The following DHCR7 variants were observed in gnomAD, a reference collection of about 807,000 sequenced individuals.
The protein encoded by DHCR7 is 7-DHC reductase.
In DHCR7, 40 loss-of-function variants were observed where a neutral mutation model predicts 43.3. The observed-to-expected ratio is 0.92, with a 90% confidence interval of 0.72 to 1.20. The LOEUF (loss-of-function observed/expected upper bound fraction) is 1.20. Among genes scored for constraint, DHCR7 ranks in the 50% most tolerant of loss-of-function variants. The probability of loss-of-function intolerance (pLI) is 0.00; values close to 1 mark genes in which losing one functional copy is unlikely to be tolerated. For missense variants in DHCR7, 608 were observed against 644.6 expected (o/e 0.94, Z 0.62); for synonymous variants, 298 against 271.4 (o/e 1.10, Z -0.96).
intron 3 of DHCR7, 44 bp from the exon 4 acceptor site, chr11:71,444,259 C>T (rs1949381653): frequency 6.7e-7 from 1 of 1,485,812 alleles, no homozygotes; most frequent in South Asian, 1.2e-5. Context: ...CCCATCTGCC[C>T]TGGGCCCCAC....
Position 71,435,509 on chromosome 11 carries a change from A to G in DHCR7, c.1294T>C (p.Tyr432His), listed in dbSNP as rs747656720. The change falls in exon 9 of 9, where the codon TAC (tyrosine) becomes CAC (histidine). Residue 432 changes from tyrosine to histidine, a missense_variant. Tyr to His is a moderately conservative substitution (Grantham distance 83, BLOSUM62 2). Transcript: ENST00000355527. ...CGGGHLLPYF[Y>H]IIYMAILLTH... is the part of the protein sequence containing the mutation. The stretch of plus-strand genomic sequence containing the variant: ...AGCAGGATGGCCATGTAGATGATGT[A>G]GAAGTAGGGCAGCAGGTGGCCGCCG... 6.2e-7 allele frequency: 1 copy of G among 1,611,864 alleles called. No homozygotes were observed. The highest frequency in any genetic ancestry group is 1.1e-5 in the South Asian group (1 of 91,086).
intron 5 of DHCR7, among the ~76,000 whole-genome samples, chr11:71,442,003 G>A (rs115021930): frequency 1.9e-3 from 290 of 152,316 alleles, no homozygotes; most frequent in African/African-American, 6.7e-3. Context: ...TTCATGGGCC[G>A]AGTGCATCCC....
downstream of DHCR7, among the ~76,000 whole-genome samples, chr11:71,430,503 G>GTGGTGTGC (rs1949222857): frequency 6.6e-6 from 1 of 152,132 alleles, no homozygotes; most frequent in African/African-American, 2.4e-5. Context: ...TTTGTGGGTG[G>GTGGTGTGC]TGGTGTGTTA....
At position 71,444,102 on chromosome 11, in the gene DHCR7, G is replaced by C; in HGVS notation, c.212C>G (p.Pro71Arg). The C allele has an allele frequency of 6.2e-7, 1 of 1,612,796 alleles. No individual in the cohort carries two copies. ...ATGTCCGGTGACGATGTCCACCACA[G>C]GGCCAGTCAGGGCGCAGCTGTACTG... Reference protein sequence around the residue: ...CDQYSCALTGPVVDIVTGHAR... With the variant: ...CDQYSCALTGRVVDIVTGHAR... The change falls in exon 4 of 9, where the codon CCT becomes CGT. Residue 71 changes from proline (P) to arginine (R), a missense_variant. By Grantham distance (103) the Pro-to-Arg change is moderately radical. Transcript: ENST00000355527.
rs1949249677 is a variant in DHCR7, at chr11:71,434,497, T to G, written c.*878A>C. On this transcript the variant is annotated 3_prime_UTR_variant, in exon 9 of 9. Coordinates refer to ENST00000355527, the MANE Select transcript of DHCR7 (RefSeq NM_001360.3). ...AGAGTTCTACACAACACCCTAGGGA[T>G]GAGGAAGAATGCCTCAGGGAAGAAA... The G allele has an allele frequency of 6.5e-6, 1 of 154,976 alleles. No homozygotes were observed. Among genetic ancestry groups the G allele is most frequent in the Admixed American group, 6.3e-5 (1 of 15,910 alleles). 9.6% of individuals were successfully genotyped at this position (154,976 alleles called of 1,614,324 possible).
At chr11:71,433,252 G>A (rs933177131), downstream of DHCR7, among the ~76,000 whole-genome samples, 1 of 152,234 alleles carries the variant, frequency 6.6e-6, no homozygotes, top group Non-Finnish European at 1.5e-5. Context: ...ATGGAGAATG[G>A]TAGAGGCTGG....
Position 71,435,270 on chromosome 11 carries a change from T to A in DHCR7, c.*105A>T. Reference sequence around the variant, plus strand: ...TGCTGGGCTCTCTCCAGTTTACAGATGAGGAAACTGAGGCTCCTCGAGTTG... The same window carrying A: ...TGCTGGGCTCTCTCCAGTTTACAGAAGAGGAAACTGAGGCTCCTCGAGTTG... On this transcript the variant is annotated 3_prime_UTR_variant, in exon 9 of 9. Transcript: ENST00000355527. 8.3e-7 allele frequency: 1 copy of A among 1,207,010 alleles called. No homozygotes were observed. The highest frequency in any genetic ancestry group is 1.2e-6 in the Non-Finnish European group (1 of 823,178). 74.8% of individuals were successfully genotyped at this position (1,207,010 alleles called of 1,614,324 possible).
intron 6 of DHCR7, 104 bp downstream of exon 6, chr11:71,441,123 C>T: frequency 9.4e-7 from 1 of 1,058,998 alleles, no homozygotes; most frequent in East Asian, 2.4e-5. Flanking sequence ...TCCACGGATT[C>T]TCAGTGCTCA....
downstream of DHCR7, among the ~76,000 whole-genome samples, chr11:71,429,548 C>G (rs775856612): frequency 6.6e-6 from 1 of 152,096 alleles, no homozygotes; most frequent in Non-Finnish European, 1.5e-5. Flanking sequence ...TCTGATGGAA[C>G]GTGGCGTGAG....
Position 71,438,090 on chromosome 11 carries a change from C to A in DHCR7, c.832-147G>T. The A allele has an allele frequency of 3.1e-6, 3 of 966,452 alleles. No individual in the cohort carries two copies. The South Asian group carries it at 4.1e-5, about 13-fold the overall frequency. 59.9% of individuals were successfully genotyped at this position (966,452 alleles called of 1,614,324 possible). ...CAATGCTGGGGCTGTTCCTTCCCTG[C>A]GGCTGGGGCTGTTCCTGCCTGGGTC... On this transcript the variant is annotated intron_variant, in intron 7 of 8. Transcript: ENST00000355527.
rs1949357826 is a variant in DHCR7 at position 71,442,318 on chromosome 11, A to G, written c.357T>C (p.His119=). 1.2e-6 allele frequency: 2 copies of G among 1,613,878 alleles called. No homozygotes were observed. The highest frequency in any genetic ancestry group is 1.7e-6 in the Non-Finnish European group (2 of 1,179,970). ...LLYTSLPDFC[H]KFLPGYVGGI... is the part of the protein sequence containing the mutation. ...CTCCTACGTAGCCGGGTAGAAACTT[A>G]TGGCAGAAGTCAGGGAGAGACGTGT... Residue 119 remains histidine (H), a synonymous_variant, in exon 5 of 9, where the codon CAT becomes CAC. Coordinates refer to ENST00000355527, the MANE Select transcript of DHCR7 (RefSeq NM_001360.3).
Position 71,442,412 on chromosome 11 carries a change from G to C in DHCR7, c.322-59C>G, listed in dbSNP as rs79415457. The C allele has an allele frequency of 9.8e-6, 12 of 1,224,170 alleles. No individual in the cohort carries two copies. In the Middle Eastern group the frequency reaches 1.7e-3, roughly 173 times the overall value. The allele number at this position is 1,224,170 out of a possible 1,614,324, so 75.8% of individuals were successfully genotyped here. A position where few individuals can be genotyped will look rare whatever the true frequency, so the allele number is the denominator to read the frequency against. On this transcript the variant is annotated intron_variant, in intron 4 of 8. Transcript: ENST00000355527. ...CTGGAGGGCACCTGCAAAGGGGGAC[G>C]CATAGCAGGAACATGAGAATCACAA...
intron 3 of DHCR7, among the ~76,000 whole-genome samples, chr11:71,444,437 T>A (rs1200095706): frequency 6.6e-6 from 1 of 152,178 alleles, no homozygotes; most frequent in Non-Finnish European, 1.5e-5. Context: ...GTGGCCCCCA[T>A]GGAAGGCCCA....
At chr11:71,448,833 TTGG>T (rs1260422569), upstream of DHCR7, 7 of 152,442 alleles carry the variant, frequency 4.6e-5, no homozygotes, top group Admixed American at 1.3e-4. Flanking sequence ...GACACAGTTC[TTGG>T]TCCTAGGGCT....
At chr11:71,441,585 C>T in intron 5 of DHCR7, 145 bp from the exon 6 acceptor site, 1 of 725,816 alleles carries the variant, frequency 1.4e-6, no homozygotes, top group South Asian at 1.5e-5. Context: ...CAGGAACCAT[C>T]TCTGAGGCCC....
rs750090808 is a variant in DHCR7, at chr11:71,442,291, G to A, written c.384C>T (p.Gly128=). 6.2e-7 allele frequency: 1 copy of A among 1,613,794 alleles called. No homozygotes were observed. The highest frequency in any genetic ancestry group is 1.7e-4 in the Middle Eastern group (1 of 6,060). ...CHKFLPGYVG[G]IQEGAVTPAG... is the part of the protein sequence containing the mutation. ...CAGGAGTCACGGCCCCCTCCTGGAT[G>A]CCTCCTACGTAGCCGGGTAGAAACT... Residue 128 remains glycine, a synonymous_variant, in exon 5 of 9, where the codon GGC becomes GGT. Coordinates refer to ENST00000355527, the MANE Select transcript of DHCR7 (RefSeq NM_001360.3).
chr11:71,427,984 A>T (rs1424453803), downstream of DHCR7, among the ~76,000 whole-genome samples: 1 of 152,164 alleles, frequency 6.6e-6, no homozygotes, highest in Non-Finnish European at 1.5e-5. Flanking sequence ...ACCTGCTCTT[A>T]TCAATTAGAG....
At chr11:71,427,980 T>C (rs1949208565), downstream of DHCR7, among the ~76,000 whole-genome samples, 1 of 152,180 alleles carries the variant, frequency 6.6e-6, no homozygotes, top group Non-Finnish European at 1.5e-5. Flanking sequence ...AGTGACCTGC[T>C]CTTATCAATT....
chr11:71,434,842 A>G lies in DHCR7; in HGVS notation c.*533T>C. Reference sequence around the variant, plus strand: ...AAAGCCCCTTTCTCCCCAGTGTCCCAGTTCAACACCGTGCACGCTACCAAG... The same window carrying G: ...AAAGCCCCTTTCTCCCCAGTGTCCCGGTTCAACACCGTGCACGCTACCAAG... On this transcript the variant is annotated 3_prime_UTR_variant, in exon 9 of 9. Transcript: ENST00000355527. 3.1e-6 allele frequency: 1 copy of G among 326,138 alleles called. No homozygotes were observed. The highest frequency in any genetic ancestry group is 6.0e-6 in the Non-Finnish European group (1 of 165,792). 20.2% of individuals were successfully genotyped at this position (326,138 alleles called of 1,614,324 possible).
Sources: gnomAD v4.1 joint callset for allele counts (sites outside exome capture counted in the v4.1 genomes callset) on GRCh38, gnomAD v4.1.1 for gene constraint, MANE v1.5 for transcripts, NCBI Gene and HGNC (gene_info 2026-07-23, HGNC 2026-07-21) for gene names.